JADE3: variants seen among roughly 807,000 people sequenced by gnomAD.
JADE3 encodes the protein jade family PHD finger 3.
In JADE3, 2 loss-of-function variants were observed where a neutral mutation model predicts 50.1. The observed-to-expected ratio is 0.04, with a 90% CI of 0.02 to 0.13. JADE3 has a LOEUF of 0.13. JADE3 is among the 10% of genes least tolerant of loss of function. The pLI, the probability that JADE3 is intolerant of heterozygous loss-of-function variation, is 1.00. For synonymous variants in JADE3, 218 were observed against 232.9 expected (o/e 0.94, Z 0.58); for missense variants, 475 against 634.4 (o/e 0.75, Z 2.70).
intron 4 of JADE3, among the ~76,000 whole-genome samples, chrX:47,009,090 A>G (rs1928500730): frequency 9.0e-6 from 1 of 110,794 alleles, no homozygotes; most frequent in African/African-American, 3.3e-5. Flanking sequence ...TGGGAAGCCA[A>G]GGCGGGAGGA....
chrX:46,970,450 C>A (rs932751225), intron 1 of JADE3, among the ~76,000 whole-genome samples: 19 of 111,870 alleles, frequency 1.7e-4, no homozygotes, highest in African/African-American at 5.2e-4. Context: ...TTAACTCAAA[C>A]CCCCCTCTAA....
chrX:47,037,103 G>A (rs1556368120), intron 7 of JADE3, among the ~76,000 whole-genome samples: 2 of 82,566 alleles, frequency 2.4e-5, no homozygotes, highest in Non-Finnish European at 4.2e-5. Context: ...AAAACTTAAA[G>A]TATAATAAAA....
chrX:47,024,035 C>T (rs1556365025), intron 4 of JADE3, among the ~76,000 whole-genome samples: 2 of 112,668 alleles, frequency 1.8e-5, no homozygotes, highest in Non-Finnish European at 3.8e-5. Flanking sequence ...GTATTGTCTC[C>T]GTGACAGAAA....
intron 8 of JADE3, among the ~76,000 whole-genome samples, chrX:47,050,644 T>C (rs1234247424): frequency 8.9e-6 from 1 of 112,249 alleles, no homozygotes; most frequent in African/African-American, 3.2e-5. Context: ...ACCCAATTCT[T>C]ACCTATGCAT....
At chrX:47,037,820 CAGTTA>C (rs782492370) in intron 7 of JADE3, among the ~76,000 whole-genome samples, 2 of 111,272 alleles carry the variant, frequency 1.8e-5, no homozygotes, top group Non-Finnish European at 3.8e-5. Context: ...TTTATATGTA[CAGTTA>C]AGTTATTTTG....
At chrX:47,019,829 A>G (rs1372346020) in intron 4 of JADE3, among the ~76,000 whole-genome samples, 1 of 111,744 alleles carries the variant, frequency 8.9e-6, no homozygotes, top group Non-Finnish European at 1.9e-5. Context: ...GGCCAGAGGT[A>G]GTAGTGTTCC....
chrX:47,033,429 T>C (rs1216792918), intron 6 of JADE3, among the ~76,000 whole-genome samples, 192 bp from the exon 7 acceptor site: 1 of 111,954 alleles, frequency 8.9e-6, no homozygotes, highest in Non-Finnish European at 1.9e-5. Flanking sequence ...ACAGACATGC[T>C]GATCTTAGGA....
chrX:46,983,665 AG>A (rs1556353628), intron 1 of JADE3, among the ~76,000 whole-genome samples: 1 of 111,863 alleles, frequency 8.9e-6, no homozygotes. Flanking sequence ...GGGAAGATGG[AG>A]GAAGTGGTTC....
chrX:46,938,853 A>G (rs782642316), intron 1 of JADE3, among the ~76,000 whole-genome samples: 8 of 112,232 alleles, frequency 7.1e-5, no homozygotes, highest in Non-Finnish European at 1.1e-4. Context: ...TTTGAGACGG[A>G]GTCTCGCTCT....
At chrX:47,058,017 C>T in intron 10 of JADE3, 150 bp from the exon 11 acceptor site, 1 of 494,184 alleles carries the variant, frequency 2.0e-6, no homozygotes, top group Non-Finnish European at 3.4e-6. Context: ...GTTCAGCTCA[C>T]TCCAGCTGCT....
intron 5 of JADE3, among the ~76,000 whole-genome samples, chrX:47,027,229 CAAAG>C (rs1416851895): frequency 5.4e-5 from 6 of 112,022 alleles, no homozygotes; most frequent in Non-Finnish European, 1.1e-4. Context: ...AATCAGGAAG[CAAAG>C]AAGGTAATTC....
intron 6 of JADE3, among the ~76,000 whole-genome samples, chrX:47,032,302 CT>C (rs1468087006): frequency 9.0e-6 from 1 of 111,693 alleles, no homozygotes; most frequent in East Asian, 2.8e-4. Flanking sequence ...CATACAGTCT[CT>C]GTTACATGTT....
rs147507918 is a variant in JADE3 at position 47,058,427 on chromosome X, A to C, written c.1822A>C (p.Ser608Arg). The change falls in exon 11 of 11, where the codon AGT becomes CGT. Residue 608 changes from serine (S) to arginine (R), a missense_variant. This residue lies in a region of JADE3 where 243 missense variants were observed against 238.2 expected (regional missense o/e 1.02). Coordinates refer to ENST00000614628, the MANE Select transcript of JADE3 (RefSeq NM_014735.5). ...GAGCAAGAATAACCGTTTGCTGGCC[A>C]GTCTCAGCCATTCTAGGAGTGAAGC... ...LESKNNRLLASLSHSRSEAKE... is the reference protein window; with the variant it reads ...LESKNNRLLARLSHSRSEAKE... 2 of 1,209,534 alleles carry C rather than the reference A, an allele frequency of 1.7e-6. No individual in the cohort carries two copies. Among genetic ancestry groups the C allele is most frequent in the African/African-American group, 3.5e-5 (2 of 57,018 alleles).
In JADE3 at chrX:47,055,351, C is replaced by T. The variant is rs188099214; in HGVS notation, c.1443+723C>T. Among the ~76,000 whole-genome samples the T allele has an allele frequency of 4.4e-4, 48 of 110,173 alleles. No individual in the cohort carries two copies. The East Asian group carries it at 0.012, about 27-fold the overall frequency. ...CTATAAATGGCTTGTGTTTTTTTTTCTCTGCTACCAGAATTTGAAAGAGAA... is the reference window on the plus strand; with the variant it reads ...CTATAAATGGCTTGTGTTTTTTTTTTTCTGCTACCAGAATTTGAAAGAGAA... On this transcript the variant is annotated intron_variant, in intron 9 of 10. Coordinates refer to ENST00000614628, the MANE Select transcript of JADE3 (RefSeq NM_014735.5).
chrX:47,052,094 A>G (rs1556372260), intron 8 of JADE3, among the ~76,000 whole-genome samples: 1 of 111,645 alleles, frequency 9.0e-6, no homozygotes, highest in African/African-American at 3.3e-5. Flanking sequence ...ACCCAGTCTC[A>G]ATCAATCAGT....
At chrX:47,055,093 C>T (rs1370185791) in intron 9 of JADE3, among the ~76,000 whole-genome samples, 3 of 110,553 alleles carry the variant, frequency 2.7e-5, no homozygotes, top group Non-Finnish European at 3.8e-5. Flanking sequence ...TACCAGCATC[C>T]CTGGCCTCTA....
rs781827484 is a variant in JADE3 at position 46,983,627 on chromosome X, G to A, written c.-11-1257G>A. On this transcript the variant is annotated intron_variant, in intron 1 of 10. Transcript: ENST00000614628. The stretch of plus-strand genomic sequence containing the variant: ...AAGGAACCCTGTGTTCTTGGCTACT[G>A]TACTCTGGCATGAGATCTTTGCTGG... Among the ~76,000 whole-genome samples the A allele has an allele frequency of 4.5e-5, 5 of 111,683 alleles. No homozygotes were observed. The South Asian group carries it at 1.9e-3, about 42-fold the overall frequency.
intron 6 of JADE3, among the ~76,000 whole-genome samples, chrX:47,032,876 T>G (rs1929051505): frequency 9.0e-6 from 1 of 111,333 alleles, no homozygotes; most frequent in African/African-American, 3.3e-5. Flanking sequence ...AATCAGTTAG[T>G]CTCTAATAGA....
chrX:46,954,881 A>G (rs1394021326), intron 1 of JADE3, among the ~76,000 whole-genome samples: 3 of 112,411 alleles, frequency 2.7e-5, no homozygotes, highest in Non-Finnish European at 5.6e-5. Flanking sequence ...TAAAAGCCAC[A>G]GTGGGCTTCC....
Sources: allele counts gnomAD v4.1 joint callset (sites outside exome capture counted in the v4.1 genomes callset), GRCh38; gene constraint gnomAD v4.1.1; regional missense constraint gnomAD v4.1.1; transcripts MANE v1.5; gene names NCBI Gene and HGNC (gene_info 2026-07-23, HGNC 2026-07-21).